The following MBNL1 variants were observed in gnomAD, a reference collection of about 807,000 sequenced individuals.
MBNL1 encodes the protein muscleblind like splicing regulator 1.
In MBNL1, 8 loss-of-function variants were observed where a neutral mutation model predicts 42.2. The observed-to-expected ratio is 0.19, with a 90% CI of 0.11 to 0.34. The LOEUF (loss-of-function observed/expected upper bound fraction) is 0.34. MBNL1 is among the 10% of genes least tolerant of loss of function. MBNL1 has a pLI of 1.00. For synonymous variants in MBNL1, 169 were observed against 173.9 expected, an observed-to-expected ratio of 0.97 and a Z score of 0.22; for missense variants, 309 against 495.3, an observed-to-expected ratio of 0.62 and a Z score of 3.57.
chr3:152,267,801 GT>G (rs1041185625), upstream of MBNL1: 2 of 152,136 alleles, frequency 1.3e-5, no homozygotes, highest in African/African-American at 4.8e-5. Flanking sequence ...CCTTTCTGAT[GT>G]TTTTCCTTCA....
intron 2 of MBNL1, among the ~76,000 whole-genome samples, chr3:152,375,051 G>T (rs1280912868): frequency 6.6e-6 from 1 of 152,088 alleles, no homozygotes; most frequent in African/African-American, 2.4e-5. Context: ...TGTTGTCTAG[G>T]CTGGTTTCAA....
At chr3:152,418,802 C>T (rs764447779) in intron 3 of MBNL1, among the ~76,000 whole-genome samples, 82 of 150,952 alleles carry the variant, frequency 5.4e-4, no homozygotes, top group African/African-American at 1.5e-3. Flanking sequence ...CTGCAAGCTC[C>T]GCCTCCCAAG....
At chr3:152,343,698 G>A (rs926590504) in intron 2 of MBNL1, among the ~76,000 whole-genome samples, 4 of 152,070 alleles carry the variant, frequency 2.6e-5, no homozygotes, top group African/African-American at 9.7e-5. Context: ...ACGGGTTTAG[G>A]AACTCAGTAA....
At chr3:152,277,837 T>C (rs573769458) in intron 1 of MBNL1, among the ~76,000 whole-genome samples, 5 of 152,122 alleles carry the variant, frequency 3.3e-5, no homozygotes, top group Admixed American at 6.5e-5. Context: ...TATAAATATT[T>C]ACAACTTATT....
intron 1 of MBNL1, among the ~76,000 whole-genome samples, chr3:152,284,877 C>T (rs898606984): frequency 4.7e-4 from 71 of 152,252 alleles, no homozygotes; most frequent in African/African-American, 1.6e-3. Flanking sequence ...AAAAATCATG[C>T]TCAAAGACCA....
intron 2 of MBNL1, among the ~76,000 whole-genome samples, chr3:152,316,296 T>C (rs2152271502): frequency 6.6e-6 from 1 of 152,358 alleles, no homozygotes; most frequent in East Asian, 1.9e-4. Flanking sequence ...AAGTGAAAAC[T>C]CAGCGTTGAA....
intron 3 of MBNL1, among the ~76,000 whole-genome samples, chr3:152,420,199 T>A (rs1023197007): frequency 1.3e-5 from 2 of 152,154 alleles, no homozygotes; most frequent in Non-Finnish European, 2.9e-5. Flanking sequence ...GACTTAAATG[T>A]TTATTTCTGC....
At chr3:152,409,093 G>C (rs887273019) in intron 2 of MBNL1, among the ~76,000 whole-genome samples, 2 of 152,136 alleles carry the variant, frequency 1.3e-5, no homozygotes, top group African/African-American at 4.8e-5. Flanking sequence ...ACTTGCAAAA[G>C]CCAGTAAACT....
intron 2 of MBNL1, among the ~76,000 whole-genome samples, chr3:152,357,162 CA>C (rs924847458): frequency 6.6e-6 from 1 of 152,170 alleles, no homozygotes; most frequent in Non-Finnish European, 1.5e-5. Context: ...CAGTGTAGTA[CA>C]AGCCCAGAGA....
At chr3:152,436,514 G>A (rs2099080430) in intron 4 of MBNL1, among the ~76,000 whole-genome samples, 1 of 152,182 alleles carries the variant, frequency 6.6e-6, no homozygotes, top group Non-Finnish European at 1.5e-5. Context: ...AGCATGTGAA[G>A]CAGTTTTATT....
chr3:152,291,213 C>G (rs2055780449), intron 1 of MBNL1, among the ~76,000 whole-genome samples: 1 of 152,110 alleles, frequency 6.6e-6, no homozygotes, highest in Admixed American at 6.6e-5. Context: ...TAAAATACTT[C>G]CTCTTTGAAT....
chr3:152,371,525 A>T (rs904586745), intron 2 of MBNL1, among the ~76,000 whole-genome samples: 4 of 152,136 alleles, frequency 2.6e-5, no homozygotes, highest in Non-Finnish European at 5.9e-5. Context: ...TGAACCCAGG[A>T]GGTCAGGTTG....
At chr3:152,263,324 C>T (rs1173260066), upstream of MBNL1, 2 of 152,176 alleles carry the variant, frequency 1.3e-5, no homozygotes, top group African/African-American at 4.8e-5. Flanking sequence ...ACTGGAAACA[C>T]TGCTGATATC....
intron 2 of MBNL1, among the ~76,000 whole-genome samples, chr3:152,306,736 TAA>T (rs1239148059): frequency 6.6e-6 from 1 of 152,164 alleles, no homozygotes; most frequent in East Asian, 1.9e-4. Context: ...ATTTCTGGAA[TAA>T]AAGAGTGTTT....
At chr3:152,445,673 G>C in intron 5 of MBNL1, 134 bp downstream of exon 5, 3 of 893,318 alleles carry the variant, frequency 3.4e-6, no homozygotes, top group Non-Finnish European at 5.0e-6. Flanking sequence ...AGGTATCCCA[G>C]ACAATATATA....
At chr3:152,412,587 T>A (rs1489299856) in intron 2 of MBNL1, among the ~76,000 whole-genome samples, 1 of 152,354 alleles carries the variant, frequency 6.6e-6, no homozygotes, top group East Asian at 1.9e-4. Context: ...AGATGTCATA[T>A]ATTCAGAATG....
chr3:152,332,729 TGTGTGTGTGTGC>T (rs1332444700), intron 2 of MBNL1, among the ~76,000 whole-genome samples: 211 of 131,884 alleles, frequency 1.6e-3, no homozygotes, highest in African/African-American at 4.6e-3. Flanking sequence ...TGTGTGTGTG[TGTGTGTGTGTGC>T]GCGCGCGCAT....
chr3:152,297,254 G>GT (rs1023006189), intron 1 of MBNL1, among the ~76,000 whole-genome samples: 26,049 of 101,560 alleles, frequency 0.26, 3,229 homozygotes, highest in East Asian at 0.57. Flanking sequence ...CTGGACCTTT[G>GT]TTTTTTTTTT....
intron 1 of MBNL1, among the ~76,000 whole-genome samples, chr3:152,279,804 A>G (rs2047352996): frequency 6.6e-6 from 1 of 152,188 alleles, no homozygotes; most frequent in Non-Finnish European, 1.5e-5. Context: ...GCAAAAGTTT[A>G]TAGATCATGG....
Sources: allele counts gnomAD v4.1 joint callset (sites outside exome capture counted in the v4.1 genomes callset), GRCh38; gene constraint gnomAD v4.1.1; transcripts MANE v1.5; gene names NCBI Gene and HGNC (gene_info 2026-07-23, HGNC 2026-07-21).